Variants in LRP1B observed in about 807,000 individuals in gnomAD.
LRP1B encodes low-density lipoprotein receptor-related protein 1B.
LRP1B carries 217 observed loss-of-function variants against 556.6 expected under a neutral mutation model. The observed-to-expected ratio is 0.39, with a 90% CI of 0.35 to 0.44. The LOEUF (loss-of-function observed/expected upper bound fraction) is 0.44. LRP1B is among the 20% of genes least tolerant of loss of function. LRP1B has a pLI of 1.00. For missense variants in LRP1B, 5,053 were observed against 5,620.8 expected (o/e 0.90, Z 3.23); for synonymous variants, 2,047 against 1,865.8 (o/e 1.10, Z -2.50).
chr2:140,407,381 G>T (rs762296606), intron 66 of LRP1B, among the ~76,000 whole-genome samples: 1 of 151,390 alleles, frequency 6.6e-6, no homozygotes. Context: ...ATAAATAATC[G>T]GTAAACAGAA....
At position 142,095,874 on chromosome 2, in the gene LRP1B, C is replaced by CA. The variant is rs572970004; in HGVS notation, c.82+34773dup. Reference sequence around the variant, plus strand: ...GCATTTTTGGATTAAAATCCAACCCCAAAAAACAAAAGACATTACTATGTC... The same window carrying CA: ...GCATTTTTGGATTAAAATCCAACCCCAAAAAAACAAAAGACATTACTATGTC... On this transcript the variant is annotated intron_variant, in intron 1 of 90. Transcript: ENST00000389484. Among the ~76,000 whole-genome samples the CA allele has an allele frequency of 1.8e-4, 27 of 151,610 alleles. No individual in the cohort carries two copies. In the South Asian group the frequency reaches 3.3e-3, roughly 19 times the overall value.
intron 23 of LRP1B, among the ~76,000 whole-genome samples, chr2:140,897,908 A>G (rs1472380443): frequency 6.6e-6 from 1 of 151,960 alleles, no homozygotes; most frequent in Admixed American, 6.6e-5. Context: ...GTGGGACTTC[A>G]CCCTATGATT....
chr2:140,991,906 T>G (rs1206069052), intron 16 of LRP1B, among the ~76,000 whole-genome samples: 1 of 152,098 alleles, frequency 6.6e-6, no homozygotes, highest in Non-Finnish European at 1.5e-5. Context: ...ACTAAAAATG[T>G]AAATACAAGA....
At chr2:140,506,442 C>T (rs1422072058) in intron 53 of LRP1B, among the ~76,000 whole-genome samples, 1 of 152,012 alleles carries the variant, frequency 6.6e-6, no homozygotes, top group Non-Finnish European at 1.5e-5. Flanking sequence ...TGGGGTTTCC[C>T]CATGTTGGCC....
chr2:141,930,609 G>A (rs1439768939), intron 1 of LRP1B, among the ~76,000 whole-genome samples: 1 of 152,014 alleles, frequency 6.6e-6, no homozygotes, highest in East Asian at 1.9e-4. Context: ...ACTGTGGTGG[G>A]TGAGCAGAAG....
chr2:140,981,081 G>A (rs1365097724), intron 18 of LRP1B, among the ~76,000 whole-genome samples: 4 of 151,772 alleles, frequency 2.6e-5, no homozygotes, highest in Non-Finnish European at 4.4e-5. Flanking sequence ...AATAGACTGT[G>A]GGGACTTGGT....
intron 2 of LRP1B, among the ~76,000 whole-genome samples, chr2:141,802,210 G>T (rs1696030169): frequency 6.6e-6 from 1 of 152,142 alleles, no homozygotes; most frequent in South Asian, 2.1e-4. Flanking sequence ...AGGAAAATGT[G>T]TCTCAGTTTG....
intron 5 of LRP1B, among the ~76,000 whole-genome samples, chr2:141,245,279 A>G (rs975929415): frequency 6.6e-6 from 1 of 152,224 alleles, no homozygotes; most frequent in Non-Finnish European, 1.5e-5. Context: ...GAAGTAAACT[A>G]AGAAGTAAAA....
At chr2:141,765,219 A>T (rs2105603610) in intron 2 of LRP1B, among the ~76,000 whole-genome samples, 1 of 152,370 alleles carries the variant, frequency 6.6e-6, no homozygotes, top group Non-Finnish European at 1.5e-5. Flanking sequence ...GTTAATAATC[A>T]GCCTGACAAG....
At chr2:140,746,823 T>C (rs1688329905) in intron 35 of LRP1B, among the ~76,000 whole-genome samples, 1 of 151,996 alleles carries the variant, frequency 6.6e-6, no homozygotes, top group African/African-American at 2.4e-5. Flanking sequence ...GGCCTTACTT[T>C]CAGGGTAAAC....
At chr2:142,067,754 A>G (rs981144134) in intron 1 of LRP1B, among the ~76,000 whole-genome samples, 1 of 151,558 alleles carries the variant, frequency 6.6e-6, no homozygotes, top group African/African-American at 2.4e-5. Flanking sequence ...TGGCATCCAA[A>G]CTGATTCACA....
chr2:141,161,208 T>C (rs1234097181), intron 7 of LRP1B, among the ~76,000 whole-genome samples: 2 of 152,120 alleles, frequency 1.3e-5, no homozygotes, highest in African/African-American at 4.8e-5. Flanking sequence ...CTGTTAACCG[T>C]TTTTACATAT....
At chr2:141,529,291 T>A (rs1684793859) in intron 2 of LRP1B, among the ~76,000 whole-genome samples, 1 of 152,220 alleles carries the variant, frequency 6.6e-6, no homozygotes, top group Non-Finnish European at 1.5e-5. Context: ...TGTTCCATTT[T>A]TAGTTAGCTG....
chr2:141,103,830 G>A (rs951564206), intron 7 of LRP1B, among the ~76,000 whole-genome samples: 26 of 151,516 alleles, frequency 1.7e-4, no homozygotes, highest in South Asian at 6.2e-4. Flanking sequence ...CAAAAATGCT[G>A]TTGGTTTCTG....
chr2:141,376,486 C>T (rs770274493), intron 3 of LRP1B, among the ~76,000 whole-genome samples: 1 of 152,158 alleles, frequency 6.6e-6, no homozygotes, highest in Non-Finnish European at 1.5e-5. Flanking sequence ...TAGACAATCT[C>T]TTCAAAATGT....
At chr2:141,234,765 T>A (rs1355113053) in intron 5 of LRP1B, among the ~76,000 whole-genome samples, 1 of 151,964 alleles carries the variant, frequency 6.6e-6, no homozygotes. Flanking sequence ...TTATGTAGTT[T>A]AAAAAGGAGA....
At chr2:140,503,294 C>T (rs746429923) in intron 53 of LRP1B, among the ~76,000 whole-genome samples, 191 bp from the exon 54 acceptor site, 2 of 151,878 alleles carry the variant, frequency 1.3e-5, no homozygotes, top group Non-Finnish European at 2.9e-5. Flanking sequence ...GGAATATGGT[C>T]CAAAAACTCA....
intron 35 of LRP1B, among the ~76,000 whole-genome samples, chr2:140,727,356 G>A (rs1687630010): frequency 6.6e-6 from 1 of 152,108 alleles, no homozygotes; most frequent in Non-Finnish European, 1.5e-5. Flanking sequence ...AATTCATGCT[G>A]TGCCTTTCTT....
chr2:141,295,749 ACAC>A (rs1558988054), intron 3 of LRP1B, among the ~76,000 whole-genome samples: 49 of 102,772 alleles, frequency 4.8e-4, no homozygotes, highest in African/African-American at 1.6e-3. Flanking sequence ...GGAGAGAAAC[ACAC>A]ACACACACAC....
Sources: gnomAD v4.1 joint callset for allele counts (sites outside exome capture counted in the v4.1 genomes callset) on GRCh38, gnomAD v4.1.1 for gene constraint, MANE v1.5 for transcripts, NCBI Gene and HGNC (gene_info 2026-07-23, HGNC 2026-07-21) for gene names.